The following DACH1 variants were observed in gnomAD, a reference collection of about 807,000 sequenced individuals.
DACH1 encodes the protein dachshund family transcription factor 1, also known as dachshund homolog 1.
A neutral mutation model predicts 54.2 loss-of-function variants in DACH1; 12 were observed. That is an observed-to-expected ratio of 0.22 (90% CI 0.14 to 0.36). The LOEUF (loss-of-function observed/expected upper bound fraction) is 0.36. Among genes scored for constraint, DACH1 ranks in the 10% least tolerant of loss-of-function variants. The probability of loss-of-function intolerance (pLI) is 1.00; values close to 1 mark genes in which losing one functional copy is unlikely to be tolerated. For missense variants in DACH1, 805 were observed against 929.8 expected, an observed-to-expected ratio of 0.87 and a Z score of 1.75; for synonymous variants, 386 against 366.2, an observed-to-expected ratio of 1.05 and a Z score of -0.62.
chr13:71,773,283 A>G (rs1399651441), intron 1 of DACH1, among the ~76,000 whole-genome samples: 1 of 151,924 alleles, frequency 6.6e-6, no homozygotes, highest in Non-Finnish European at 1.5e-5. Context: ...ATGTTCTTTT[A>G]TCTAATGACA....
intron 1 of DACH1, among the ~76,000 whole-genome samples, chr13:71,686,743 C>A (rs1444503949): frequency 6.6e-6 from 1 of 152,084 alleles, no homozygotes; most frequent in Non-Finnish European, 1.5e-5. Context: ...AAAACAAAAA[C>A]AAAAACTGTG....
At chr13:71,541,867 T>G (rs1452841823) in intron 6 of DACH1, among the ~76,000 whole-genome samples, 1 of 151,932 alleles carries the variant, frequency 6.6e-6, no homozygotes, top group Non-Finnish European at 1.5e-5. Flanking sequence ...ATCCTTTAGC[T>G]TGCTGTCCTT....
At chr13:71,526,984 T>G (rs983745985) in intron 6 of DACH1, among the ~76,000 whole-genome samples, 5 of 151,750 alleles carry the variant, frequency 3.3e-5, no homozygotes, top group African/African-American at 1.2e-4. Flanking sequence ...TTTCTGTTAT[T>G]AATATCTAAT....
chr13:71,541,025 T>C (rs1274495858), intron 6 of DACH1, among the ~76,000 whole-genome samples: 1 of 151,986 alleles, frequency 6.6e-6, no homozygotes, highest in Admixed American at 6.6e-5. Context: ...TCATGTTACA[T>C]AGCACTTTTT....
chr13:71,681,331 T>A (rs1442691306), intron 2 of DACH1, among the ~76,000 whole-genome samples: 1 of 152,204 alleles, frequency 6.6e-6, no homozygotes, highest in African/African-American at 2.4e-5. Flanking sequence ...CGTATTAGTT[T>A]GTGAAAAATT....
In DACH1 at chr13:71,440,312, A is replaced by T. The variant is rs1245800672; in HGVS notation, c.*343T>A. The T allele has an allele frequency of 4.9e-6, 1 of 203,970 alleles. No individual in the cohort carries two copies. The highest frequency in any genetic ancestry group is 2.4e-5 in the African/African-American group (1 of 42,150). 12.6% of individuals were successfully genotyped at this position (203,970 alleles called of 1,614,324 possible). On this transcript the variant is annotated 3_prime_UTR_variant, in exon 11 of 11. Coordinates refer to ENST00000613252, the MANE Select transcript of DACH1 (RefSeq NM_080759.6). The stretch of plus-strand genomic sequence containing the variant: ...TCAGATACAGAATTTTCAGAAGAGG[A>T]AAATGGTTCATTCCATTAGAAAAAA...
intron 6 of DACH1, among the ~76,000 whole-genome samples, chr13:71,545,235 G>A (rs781740052): frequency 3.3e-5 from 5 of 151,920 alleles, no homozygotes; most frequent in Admixed American, 6.6e-5. Context: ...GTCTAATCCC[G>A]AGGATATTTT....
chr13:71,558,768 T>C (rs893662215), intron 5 of DACH1, among the ~76,000 whole-genome samples: 2 of 152,034 alleles, frequency 1.3e-5, no homozygotes, highest in African/African-American at 4.8e-5. Flanking sequence ...TTGCCAATAA[T>C]TGACTATCTT....
intron 6 of DACH1, among the ~76,000 whole-genome samples, chr13:71,553,533 G>A (rs1041769723): frequency 2.1e-5 from 3 of 144,424 alleles, no homozygotes; most frequent in Non-Finnish European, 3.0e-5. Flanking sequence ...ATAGATTCAA[G>A]CCTAAAACTT....
At chr13:71,800,103 T>C (rs985345724) in intron 1 of DACH1, among the ~76,000 whole-genome samples, 1 of 151,978 alleles carries the variant, frequency 6.6e-6, no homozygotes, top group Non-Finnish European at 1.5e-5. Flanking sequence ...CTCAAGTGAG[T>C]TGCTTGAACT....
chr13:71,654,443 A>ATAAAATAAAGTAAAG (rs1297271447), intron 2 of DACH1, among the ~76,000 whole-genome samples: 2 of 131,754 alleles, frequency 1.5e-5, no homozygotes, highest in South Asian at 2.5e-4. Flanking sequence ...ATAAAATAAA[A>ATAAAATAAAGTAAAG]TAAAATAAAA....
chr13:71,488,477 C>G (rs1439129242), intron 7 of DACH1, among the ~76,000 whole-genome samples: 1 of 152,030 alleles, frequency 6.6e-6, no homozygotes, highest in East Asian at 1.9e-4. Context: ...TTTGGTAAGG[C>G]TTTTTGAAGT....
chr13:71,680,379 G>A (rs1041201790), intron 2 of DACH1, among the ~76,000 whole-genome samples: 14 of 152,106 alleles, frequency 9.2e-5, no homozygotes, highest in African/African-American at 3.4e-4. Context: ...AGGCAGATGG[G>A]TCACTTGAGT....
intron 7 of DACH1, among the ~76,000 whole-genome samples, chr13:71,481,748 C>T (rs1566286003): frequency 1.3e-5 from 2 of 151,992 alleles, no homozygotes; most frequent in Admixed American, 6.6e-5. Context: ...ATACAGAAAA[C>T]GGATTAAATT....
chr13:71,854,619 T>C (rs1873883111), intron 1 of DACH1, among the ~76,000 whole-genome samples: 1 of 150,254 alleles, frequency 6.7e-6, no homozygotes. Context: ...AGAAACTTCA[T>C]ATCATCACCA....
At chr13:71,627,335 CA>C (rs1221837020) in intron 3 of DACH1, among the ~76,000 whole-genome samples, 1,847 of 70,060 alleles carry the variant, frequency 0.026, 15 homozygotes, top group African/African-American at 0.05. Flanking sequence ...AACGCTCTTA[CA>C]AAAAAAAAAA....
chr13:71,536,285 A>T (rs1882793280), intron 6 of DACH1, among the ~76,000 whole-genome samples: 1 of 152,260 alleles, frequency 6.6e-6, no homozygotes, highest in East Asian at 1.9e-4. Context: ...TTTTATCAGG[A>T]GAAATCTTTC....
At chr13:71,475,276 G>A (rs546134485) in intron 9 of DACH1, 67 bp from the exon 10 acceptor site, 13 of 1,276,672 alleles carry the variant, frequency 1.0e-5, no homozygotes, top group African/African-American at 1.5e-5. Flanking sequence ...TAAAAAAAAA[G>A]AGCAACCTGT....
At position 71,559,898 on chromosome 13, in the gene DACH1, C is replaced by T. The variant is rs752341288; in HGVS notation, c.1357G>A (p.Gly453Ser). Residue 453 changes from glycine to serine, a missense_variant, in exon 5 of 11, where the codon GGC becomes AGC. Coordinates refer to ENST00000613252, the MANE Select transcript of DACH1 (RefSeq NM_080759.6). ...CTGCGATGTGATGATGGGTGACTGCCAGGCCTTCTCCCCTCCTCCAGAGAG... is the reference window on the plus strand; with the variant it reads ...CTGCGATGTGATGATGGGTGACTGCTAGGCCTTCTCCCCTCCTCCAGAGAG... ...APSLEEGRRP[G>S]SHPSSHRSSS... 6.2e-7 allele frequency: 1 copy of T among 1,610,084 alleles called. No homozygotes were observed. The highest frequency in any genetic ancestry group is 8.5e-7 in the Non-Finnish European group (1 of 1,178,228).
Sources: gnomAD v4.1 joint callset for allele counts (sites outside exome capture counted in the v4.1 genomes callset) on GRCh38, gnomAD v4.1.1 for gene constraint, MANE v1.5 for transcripts, NCBI Gene and HGNC (gene_info 2026-07-23, HGNC 2026-07-21) for gene names.